BACH2: variants seen among roughly 807,000 people sequenced by gnomAD.
The protein encoded by BACH2 is transcription regulator protein BACH2.
BACH2 carries 5 observed loss-of-function variants against 61.8 expected under a neutral mutation model. That is an observed-to-expected ratio of 0.08 (90% confidence interval 0.04 to 0.17). The LOEUF (loss-of-function observed/expected upper bound fraction) is 0.17, where lower values mean the gene tolerates loss of function less well. Among genes scored for constraint, BACH2 ranks in the 10% least tolerant of loss-of-function variants. The probability of loss-of-function intolerance (pLI) is 1.00; values close to 1 mark genes in which losing one functional copy is unlikely to be tolerated. For missense variants in BACH2, 824 were observed against 1,091.1 expected (o/e 0.76, Z 3.45); for synonymous variants, 446 against 440.1 (o/e 1.01, Z -0.17).
chr6:89,941,615 A>G (rs1246143106), intron 7 of BACH2, among the ~76,000 whole-genome samples: 2 of 152,078 alleles, frequency 1.3e-5, no homozygotes, highest in South Asian at 2.1e-4. Flanking sequence ...TCCCTCTTAT[A>G]CCCGTTGGAT....
intron 4 of BACH2, among the ~76,000 whole-genome samples, chr6:90,184,693 G>A (rs1365088858): frequency 6.6e-6 from 1 of 152,194 alleles, no homozygotes; most frequent in East Asian, 1.9e-4. Flanking sequence ...CATCCTCTAG[G>A]AGGCCAGGGA....
intron 4 of BACH2, among the ~76,000 whole-genome samples, chr6:90,114,342 G>A (rs761494753): frequency 1.3e-5 from 2 of 152,086 alleles, no homozygotes; most frequent in Non-Finnish European, 2.9e-5. Flanking sequence ...TTCATCCCTC[G>A]GATGCAGGGT....
chr6:90,038,621 C>T (rs985569744), intron 5 of BACH2, among the ~76,000 whole-genome samples: 3 of 152,272 alleles, frequency 2.0e-5, no homozygotes, highest in African/African-American at 7.2e-5. Context: ...GCTTCCCAGC[C>T]ATCCAGTTCC....
chr6:90,013,484 CT>C (rs762458228), intron 5 of BACH2, among the ~76,000 whole-genome samples: 14 of 150,358 alleles, frequency 9.3e-5, no homozygotes, highest in Non-Finnish European at 1.8e-4. Flanking sequence ...CTCCCCTCCC[CT>C]TGTTTTCCCT....
intron 6 of BACH2, among the ~76,000 whole-genome samples, chr6:89,981,131 C>A (rs6902470): frequency 2.1e-5 from 3 of 145,160 alleles, no homozygotes; most frequent in African/African-American, 7.8e-5. Flanking sequence ...CATCGTGATT[C>A]GCTTTTTTTT....
At chr6:89,999,793 T>A (rs1305855144) in intron 6 of BACH2, among the ~76,000 whole-genome samples, 1 of 152,170 alleles carries the variant, frequency 6.6e-6, no homozygotes, top group Non-Finnish European at 1.5e-5. Context: ...GTAACTATTT[T>A]AAAAAAATTG....
At chr6:90,174,067 T>A (rs1767909747) in intron 4 of BACH2, among the ~76,000 whole-genome samples, 1 of 152,126 alleles carries the variant, frequency 6.6e-6, no homozygotes, top group African/African-American at 2.4e-5. Context: ...AGATATAATA[T>A]GTTCCTAATA....
chr6:90,017,264 A>G (rs1778118647), intron 5 of BACH2, among the ~76,000 whole-genome samples: 1 of 150,294 alleles, frequency 6.7e-6, no homozygotes, highest in Non-Finnish European at 1.5e-5. Context: ...CTTTTTTTTG[A>G]GGTGGAGTTC....
Position 89,988,916 on chromosome 6 carries a change from T to G in BACH2, c.243+19686A>C, listed in dbSNP as rs563458249. Among the ~76,000 whole-genome samples the G allele has an allele frequency of 1.2e-4, 18 of 152,314 alleles. 1 individual carries two copies. Among genetic ancestry groups the G allele is most frequent in the African/African-American group, 4.1e-4 (17 of 41,566 alleles). On this transcript the variant is annotated intron_variant, in intron 6 of 8. Transcript: ENST00000257749. ...GTTAGCACCTGACTCTGGGTTAAAA[T>G]TTTTTGGGTAGTTCCCTCAGGTCTG...
intron 4 of BACH2, among the ~76,000 whole-genome samples, chr6:90,162,960 CT>C (rs1767451659): frequency 2.0e-5 from 3 of 152,152 alleles, no homozygotes; most frequent in African/African-American, 7.2e-5. Flanking sequence ...ATAAAGAGAA[CT>C]TTGCTACTCA....
chr6:90,136,826 T>C (rs1027354416), intron 4 of BACH2, among the ~76,000 whole-genome samples: 1 of 151,330 alleles, frequency 6.6e-6, no homozygotes, highest in African/African-American at 2.4e-5. Flanking sequence ...TAAACCATGC[T>C]ATTTTTCTTT....
At chr6:89,996,483 T>C (rs1776854812) in intron 6 of BACH2, among the ~76,000 whole-genome samples, 1 of 152,192 alleles carries the variant, frequency 6.6e-6, no homozygotes, top group Non-Finnish European at 1.5e-5. Flanking sequence ...ATTTTATTCT[T>C]CCATAGTAAG....
intron 1 of BACH2, among the ~76,000 whole-genome samples, chr6:90,287,896 T>G (rs966635411): frequency 3.9e-5 from 6 of 152,184 alleles, no homozygotes; most frequent in Non-Finnish European, 5.9e-5. Flanking sequence ...AGATTGGTTT[T>G]GGAAGGGAAG....
chr6:89,933,376 G>C (rs1206678996), intron 8 of BACH2, among the ~76,000 whole-genome samples: 2 of 152,168 alleles, frequency 1.3e-5, no homozygotes, highest in South Asian at 4.2e-4. Flanking sequence ...TGGTTGTTAG[G>C]GGTAAAAGGG....
At chr6:90,147,951 T>C (rs1232485094) in intron 4 of BACH2, among the ~76,000 whole-genome samples, 2 of 152,074 alleles carry the variant, frequency 1.3e-5, no homozygotes, top group African/African-American at 4.8e-5. Context: ...AAAAGGCCAA[T>C]AACAGAGGAA....
chr6:89,973,966 T>C (rs113112046), intron 6 of BACH2, among the ~76,000 whole-genome samples: 194 of 152,284 alleles, frequency 1.3e-3, no homozygotes, highest in African/African-American at 4.3e-3. Context: ...CAGCATCCTA[T>C]TATTTCTTGT....
chr6:90,079,642 T>G (rs748289059), intron 5 of BACH2, among the ~76,000 whole-genome samples: 5 of 152,200 alleles, frequency 3.3e-5, no homozygotes, highest in Non-Finnish European at 5.9e-5. Context: ...ACCAGACAGA[T>G]GCAAAGATGT....
chr6:90,113,814 G>A (rs560912888), intron 4 of BACH2, among the ~76,000 whole-genome samples: 25 of 151,894 alleles, frequency 1.6e-4, no homozygotes, highest in African/African-American at 4.1e-4. Context: ...CCAAATAAAC[G>A]CAATTAGAAA....
intron 3 of BACH2, among the ~76,000 whole-genome samples, chr6:90,242,199 C>T (rs1424825543): frequency 6.6e-6 from 1 of 152,170 alleles, no homozygotes; most frequent in Non-Finnish European, 1.5e-5. Flanking sequence ...CAATATCATA[C>T]AGAATAGTGT....
Sources: gnomAD v4.1 joint callset for allele counts (sites outside exome capture counted in the v4.1 genomes callset) on GRCh38, gnomAD v4.1.1 for gene constraint, MANE v1.5 for transcripts, NCBI Gene and HGNC (gene_info 2026-07-23, HGNC 2026-07-21) for gene names.